Variants in RELN observed in about 807,000 individuals in gnomAD.
RELN encodes reelin.
Under a neutral mutation model 427.6 loss-of-function variants are expected in RELN, and 108 were observed. The observed-to-expected ratio is 0.25, with a 90% CI of 0.22 to 0.30. RELN has a LOEUF of 0.30. Ranked by LOEUF, RELN falls within the 10% of genes least tolerant of loss-of-function variation. The pLI is 1.00. For missense variants in RELN, 3,715 were observed against 4,302.8 expected (o/e 0.86, Z 3.82); for synonymous variants, 1,524 against 1,513.4 (o/e 1.01, Z -0.16).
At chr7:103,532,283 G>A (rs1198860752) in intron 46 of RELN, among the ~76,000 whole-genome samples, 6 of 152,096 alleles carry the variant, frequency 3.9e-5, no homozygotes. Flanking sequence ...CACACACTGG[G>A]GCTTGTTGGA....
rs150699570 is a variant in RELN at position 103,841,096 on chromosome 7, G to T, written c.338-7424C>A. On this transcript the variant is annotated intron_variant, in intron 2 of 64. Transcript: ENST00000428762. ...AGAGAAAATAAACAAGTCAAATGTG[G>T]CTCTCCTGATGTAGCTTTGGGCAAA... Among the ~76,000 whole-genome samples the T allele has an allele frequency of 3.7e-3, 557 of 152,240 alleles. 5 individuals carry two copies. The highest frequency in any genetic ancestry group is 0.012 in the African/African-American group (509 of 41,556).
At chr7:103,495,965 ATAT>A (rs1425685995) in intron 56 of RELN, 67 bp from the exon 57 acceptor site, 17 of 1,539,542 alleles carry the variant, frequency 1.1e-5, no homozygotes, top group East Asian at 4.5e-5. Context: ...GCAATATGGC[ATAT>A]TATTCTCTTG....
At chr7:103,822,089 T>C (rs1413689692) in intron 3 of RELN, among the ~76,000 whole-genome samples, 3 of 152,116 alleles carry the variant, frequency 2.0e-5, no homozygotes, top group African/African-American at 4.8e-5. Flanking sequence ...TATGCACTGA[T>C]TTAATGTTAA....
chr7:103,870,907 A>G (rs1158951504), intron 2 of RELN, among the ~76,000 whole-genome samples: 1 of 152,042 alleles, frequency 6.6e-6, no homozygotes, highest in Non-Finnish European at 1.5e-5. Flanking sequence ...ATTCCTGCCA[A>G]TTCACCTGTC....
At chr7:103,763,155 AGTTTTGTTAGGCTACT>A (rs2116141095) in intron 4 of RELN, among the ~76,000 whole-genome samples, 1 of 152,336 alleles carries the variant, frequency 6.6e-6, no homozygotes, top group South Asian at 2.1e-4. Flanking sequence ...ACCAACTCTG[AGTTTTGTTAGGCTACT>A]CCTAGTAAAG....
chr7:103,746,791 T>C (rs1782161153), intron 6 of RELN, among the ~76,000 whole-genome samples: 1 of 150,490 alleles, frequency 6.6e-6, no homozygotes, highest in Non-Finnish European at 1.5e-5. Flanking sequence ...TGTGGAGAAA[T>C]AGGAACACTT....
At chr7:103,807,566 A>G (rs2116329370) in intron 3 of RELN, among the ~76,000 whole-genome samples, 1 of 152,268 alleles carries the variant, frequency 6.6e-6, no homozygotes, top group Non-Finnish European at 1.5e-5. Context: ...TCACCAAGGT[A>G]GTGAGCATAG....
intron 3 of RELN, among the ~76,000 whole-genome samples, chr7:103,819,875 T>A (rs1219791413): frequency 6.6e-6 from 1 of 152,008 alleles, no homozygotes; most frequent in African/African-American, 2.4e-5. Flanking sequence ...TGCTCTCGGT[T>A]TCTTTTAATA....
chr7:103,770,653 A>T (rs1162041124), intron 4 of RELN, among the ~76,000 whole-genome samples: 1 of 110,750 alleles, frequency 9.0e-6, no homozygotes, highest in African/African-American at 4.8e-5. Context: ...TTTTTTTAAA[A>T]ATTTTTTTTT....
At chr7:103,588,131 C>T (rs899834901) in intron 28 of RELN, among the ~76,000 whole-genome samples, 1 of 152,090 alleles carries the variant, frequency 6.6e-6, no homozygotes, top group Non-Finnish European at 1.5e-5. Context: ...GATATGCAAT[C>T]AACCTAAATG....
intron 11 of RELN, among the ~76,000 whole-genome samples, chr7:103,667,307 C>T (rs574284245): frequency 3.3e-5 from 5 of 152,218 alleles, no homozygotes; most frequent in Admixed American, 1.3e-4. Flanking sequence ...AATTAAAGGA[C>T]GATGTCATCT....
chr7:103,850,182 A>G (rs1793787944), intron 2 of RELN, among the ~76,000 whole-genome samples: 2 of 152,202 alleles, frequency 1.3e-5, no homozygotes, highest in Non-Finnish European at 2.9e-5. Flanking sequence ...TTGAAAAGAC[A>G]TTACAATTTA....
intron 13 of RELN, 64 bp from the exon 14 acceptor site, chr7:103,652,823 C>T (rs1038701623): frequency 6.7e-5 from 98 of 1,468,644 alleles, no homozygotes; most frequent in East Asian, 6.6e-4. Context: ...GTAAATTCTC[C>T]TAGATTTGAC....
chr7:103,580,782 T>C (rs1195038686), intron 28 of RELN, among the ~76,000 whole-genome samples: 1 of 152,148 alleles, frequency 6.6e-6, no homozygotes, highest in Non-Finnish European at 1.5e-5. Context: ...TTCTTACGCC[T>C]TTCATCCTCC....
chr7:103,895,912 G>A (rs1055829254), intron 2 of RELN, among the ~76,000 whole-genome samples: 2 of 152,176 alleles, frequency 1.3e-5, no homozygotes, highest in African/African-American at 4.8e-5. Context: ...GGCAAGCCAT[G>A]AATGGAAAAA....
chr7:103,534,686 C>T (rs1046731720), intron 46 of RELN, among the ~76,000 whole-genome samples: 1 of 151,816 alleles, frequency 6.6e-6, no homozygotes, highest in Non-Finnish European at 1.5e-5. Flanking sequence ...GATGGGGTCT[C>T]GCTGTTGTTT....
chr7:103,989,123 G>C lies in RELN; in HGVS notation c.226+8C>G. On this transcript the variant is annotated splice_region_variant and intron_variant, in intron 1 of 64. Transcript: ENST00000428762. The surrounding 1 kb of genome is among the most constrained non-coding windows in gnomAD (Gnocchi z 4.9). ...CGGCGGCGAGCGCGGAGGTGCTGCGGTACCTACCATGGTATTCTTGTCCCG... is the reference window on the plus strand; with the variant it reads ...CGGCGGCGAGCGCGGAGGTGCTGCGCTACCTACCATGGTATTCTTGTCCCG... 2.5e-6 allele frequency: 4 copies of C among 1,612,646 alleles called. No homozygotes were observed. The South Asian group carries it at 3.3e-5, about 13-fold the overall frequency.
chr7:103,632,233 C>T (rs781261104), intron 19 of RELN, among the ~76,000 whole-genome samples: 1 of 152,184 alleles, frequency 6.6e-6, no homozygotes, highest in South Asian at 2.1e-4. Context: ...AAGCACTTGG[C>T]TTCTATGTGT....
intron 1 of RELN, among the ~76,000 whole-genome samples, chr7:103,975,770 T>C (rs2116830324): frequency 6.7e-6 from 1 of 149,522 alleles, no homozygotes; most frequent in South Asian, 2.1e-4. Context: ...ATGGTCTCGA[T>C]CTCCTGACCT....
Sources: gnomAD v4.1 joint callset for allele counts (sites outside exome capture counted in the v4.1 genomes callset) on GRCh38, gnomAD v4.1.1 for gene constraint, Gnocchi (gnomAD v3.1) non-coding constraint, MANE v1.5 for transcripts, NCBI Gene and HGNC (gene_info 2026-07-23, HGNC 2026-07-21) for gene names.